TMEM266: variants seen among roughly 807,000 people sequenced by gnomAD.
TMEM266 encodes Hv1 related protein 1.
TMEM266 carries 33 observed loss-of-function variants against 50.5 expected under a neutral mutation model. The observed-to-expected ratio is 0.65, with a 90% CI of 0.50 to 0.87. The LOEUF is 0.87. Ranked by LOEUF, TMEM266 falls within the 40% of genes least tolerant of loss-of-function variation. TMEM266 has a pLI of 0.00. For synonymous variants in TMEM266, 310 were observed against 292.3 expected (o/e 1.06, Z -0.62); for missense variants, 655 against 695.1 (o/e 0.94, Z 0.65).
In TMEM266 at chr15:76,084,598, G is replaced by GTT. The variant is rs111324062; in HGVS notation, c.-97+24594_-97+24595dup. On this transcript the variant is annotated intron_variant, in intron 1 of 10. Coordinates refer to ENST00000388942, the MANE Select transcript of TMEM266 (RefSeq NM_152335.3). ...GAGCCAGAGATGAGGGTTTTTTTTG[G>GTT]TTTTTTTTTTTTTGTTTTTTGAGAC... 1.7e-3 allele frequency among the ~76,000 whole-genome samples: 146 copies of GTT among 87,690 alleles called. 1 individual carries two copies. The highest frequency in any genetic ancestry group is 5.0e-3 in the African/African-American group (133 of 26,760). The allele number at this position is 87,690 out of a possible 152,430, so 57.5% of individuals were successfully genotyped here. A position where few individuals can be genotyped will look rare whatever the true frequency, so the allele number is the denominator to read the frequency against.
intron 8 of TMEM266, among the ~76,000 whole-genome samples, chr15:76,190,601 G>A (rs1398722615): frequency 1.3e-5 from 2 of 152,132 alleles, no homozygotes; most frequent in Admixed American, 1.3e-4. Context: ...GGGATGTTGG[G>A]GTGGGGGAAA....
chr15:76,162,191 G>C (rs1167282177), intron 5 of TMEM266, among the ~76,000 whole-genome samples: 1 of 152,178 alleles, frequency 6.6e-6, no homozygotes, highest in Non-Finnish European at 1.5e-5. Context: ...CCGTTACCTT[G>C]ACCTTGTCAA....
chr15:76,200,073 T>G (rs1016283640), intron 9 of TMEM266, among the ~76,000 whole-genome samples: 2 of 152,168 alleles, frequency 1.3e-5, no homozygotes, highest in African/African-American at 4.8e-5. Flanking sequence ...AGGCCCCGAC[T>G]GTGCTCCCCG....
intron 4 of TMEM266, among the ~76,000 whole-genome samples, chr15:76,158,919 C>T (rs1384503975): frequency 2.0e-5 from 3 of 152,222 alleles, no homozygotes; most frequent in Non-Finnish European, 4.4e-5. Context: ...TTTCTACCCA[C>T]CCCTAGGGTC....
chr15:76,107,702 C>T (rs976683044), intron 1 of TMEM266, among the ~76,000 whole-genome samples: 33 of 152,238 alleles, frequency 2.2e-4, no homozygotes, highest in African/African-American at 7.2e-4. Context: ...TCAGCCATGT[C>T]CCAGGGGCTC....
chr15:76,202,681 A>G (rs2038767593), intron 10 of TMEM266, among the ~76,000 whole-genome samples: 1 of 151,574 alleles, frequency 6.6e-6, no homozygotes, highest in South Asian at 2.1e-4. Context: ...ATGTTCTTGC[A>G]CTTGAAAAAA....
chr15:76,069,655 C>T (rs948398479), intron 1 of TMEM266, among the ~76,000 whole-genome samples: 1 of 152,008 alleles, frequency 6.6e-6, no homozygotes, highest in African/African-American at 2.4e-5. Flanking sequence ...CCCATCTCTA[C>T]TAAATACAAA....
chr15:76,195,165 C>A (rs544773268), intron 9 of TMEM266, among the ~76,000 whole-genome samples: 1 of 152,190 alleles, frequency 6.6e-6, no homozygotes, highest in African/African-American at 2.4e-5. Flanking sequence ...ATCTCCACAC[C>A]GTTCCCTGGC....
chr15:76,196,103 C>T (rs1489985429), intron 9 of TMEM266, among the ~76,000 whole-genome samples: 1 of 152,174 alleles, frequency 6.6e-6, no homozygotes, highest in Non-Finnish European at 1.5e-5. Context: ...TCTGCAGTGT[C>T]CCTGCTAACC....
At chr15:76,064,646 A>G (rs1272919428) in intron 1 of TMEM266, among the ~76,000 whole-genome samples, 1 of 152,192 alleles carries the variant, frequency 6.6e-6, no homozygotes, top group African/African-American at 2.4e-5. Flanking sequence ...TTCCCCTTCA[A>G]AAAACACAGC....
chr15:76,199,631 A>G (rs1168837941), intron 9 of TMEM266, among the ~76,000 whole-genome samples: 1 of 152,206 alleles, frequency 6.6e-6, no homozygotes, highest in Admixed American at 6.5e-5. Flanking sequence ...GCATTAGGGC[A>G]GTGTGATCAC....
At chr15:76,086,484 A>C (rs2036778541) in intron 1 of TMEM266, among the ~76,000 whole-genome samples, 1 of 152,210 alleles carries the variant, frequency 6.6e-6, no homozygotes, top group African/African-American at 2.4e-5. Context: ...AATTGGACAA[A>C]ATGCACAAAC....
intron 1 of TMEM266, among the ~76,000 whole-genome samples, chr15:76,119,811 T>A (rs2037313140): frequency 6.6e-6 from 1 of 152,170 alleles, no homozygotes. Context: ...AATATTGTGA[T>A]GGGGATAGTT....
intron 7 of TMEM266, chr15:76,174,831 T>C (rs1351457604): frequency 6.6e-6 from 1 of 152,298 alleles, no homozygotes; most frequent in Admixed American, 6.5e-5. Context: ...GGCTCATCTG[T>C]GTTGTGGCTG....
chr15:76,082,924 G>A (rs542040506), intron 1 of TMEM266, among the ~76,000 whole-genome samples: 1 of 151,956 alleles, frequency 6.6e-6, no homozygotes, highest in African/African-American at 2.4e-5. Flanking sequence ...AGCGGAGATC[G>A]CACCATTGCA....
At chr15:76,154,887 A>C (rs1203634672) in intron 3 of TMEM266, among the ~76,000 whole-genome samples, 2 of 152,222 alleles carry the variant, frequency 1.3e-5, no homozygotes, top group Non-Finnish European at 2.9e-5. Context: ...ATGGACTGTG[A>C]GGAAGAAGTC....
chr15:76,173,287 G>C (rs915378781), intron 7 of TMEM266, among the ~76,000 whole-genome samples: 1 of 152,190 alleles, frequency 6.6e-6, no homozygotes, highest in African/African-American at 2.4e-5. Flanking sequence ...CTTGGAGAGA[G>C]GAAATGTGGA....
chr15:76,108,566 C>T (rs1430033081), intron 1 of TMEM266, among the ~76,000 whole-genome samples: 4 of 152,092 alleles, frequency 2.6e-5, no homozygotes, highest in Non-Finnish European at 5.9e-5. Flanking sequence ...CTGCTGGACC[C>T]GGGACCGCAC....
At chr15:76,107,907 T>C (rs2142008810) in intron 1 of TMEM266, among the ~76,000 whole-genome samples, 1 of 152,358 alleles carries the variant, frequency 6.6e-6, no homozygotes, top group East Asian at 1.9e-4. Flanking sequence ...GTTCAACATC[T>C]GAAGCTTTCT....
Sources: gnomAD v4.1 joint callset for allele counts (sites outside exome capture counted in the v4.1 genomes callset) on GRCh38, gnomAD v4.1.1 for gene constraint, MANE v1.5 for transcripts, NCBI Gene and HGNC (gene_info 2026-07-23, HGNC 2026-07-21) for gene names.